ABCB9: variants seen among roughly 807,000 people sequenced by gnomAD.
The protein encoded by ABCB9 is ATP binding cassette subfamily B member 9.
ABCB9 carries 36 observed loss-of-function variants against 62.0 expected under a neutral mutation model. That is an observed-to-expected ratio of 0.58 (90% CI 0.45 to 0.77). ABCB9 has a LOEUF of 0.77. Ranked by LOEUF, ABCB9 falls within the 30% of genes least tolerant of loss-of-function variation. ABCB9 has a pLI of 0.00. For synonymous variants in ABCB9, 435 were observed against 461.4 expected (o/e 0.94, Z 0.73); for missense variants, 943 against 1,054.7 (o/e 0.89, Z 1.47).
chr12:122,950,336 CA>C lies in ABCB9; in HGVS notation c.716+114del, dbSNP rs2036294133. The C allele has an allele frequency of 1.6e-5, 16 of 1,011,296 alleles. No homozygotes were observed. In the Admixed American group the frequency reaches 3.9e-4, roughly 24 times the overall value. The allele number at this position is 1,011,296 out of a possible 1,614,324, so 62.6% of individuals were successfully genotyped here. On this transcript the variant is annotated intron_variant, in intron 3 of 11. Transcript: ENST00000280560. The stretch of plus-strand genomic sequence containing the variant: ...GTGACCAGCTGAGGGACAGGCCCAC[CA>C]GGGGCATTTCCAGGGCCTCCCTGGC...
At chr12:122,958,450 G>C (rs2036724713) in intron 2 of ABCB9, among the ~76,000 whole-genome samples, 1 of 152,154 alleles carries the variant, frequency 6.6e-6, no homozygotes, top group Non-Finnish European at 1.5e-5. Flanking sequence ...ACATGCACAA[G>C]AATTGAGTAA....
intron 2 of ABCB9, among the ~76,000 whole-genome samples, chr12:122,953,418 C>T (rs1003722136): frequency 2.0e-5 from 3 of 152,062 alleles, no homozygotes; most frequent in African/African-American, 4.8e-5. Flanking sequence ...GATGGAGTCG[C>T]ACTCCGTCGC....
intron 11 of ABCB9, among the ~76,000 whole-genome samples, chr12:122,923,142 G>C (rs957899067): frequency 6.6e-6 from 1 of 150,624 alleles, no homozygotes; most frequent in Non-Finnish European, 1.5e-5. Context: ...TCACTCTGTC[G>C]CCCAGGCTGG....
chr12:122,970,547 C>G (rs1279145295), upstream of ABCB9, among the ~76,000 whole-genome samples: 2 of 152,242 alleles, frequency 1.3e-5, no homozygotes, highest in Admixed American at 1.3e-4. Flanking sequence ...CACACCCAGC[C>G]TGGAAGCTTT....
At chr12:122,971,870 G>A (rs1256339428) in intron 1 of ABCB9, among the ~76,000 whole-genome samples, 1 of 151,970 alleles carries the variant, frequency 6.6e-6, no homozygotes, top group East Asian at 1.9e-4. Context: ...GGTGATGGTG[G>A]GGGAGGCTGT....
upstream of ABCB9, among the ~76,000 whole-genome samples, chr12:122,968,227 G>T (rs1453032282): frequency 1.3e-5 from 2 of 152,226 alleles, no homozygotes; most frequent in African/African-American, 4.8e-5. Flanking sequence ...ACGATATCTT[G>T]GATGGACTGT....
chr12:122,932,027 C>A lies in ABCB9; in HGVS notation c.2040+165G>T. ...CTGGAGGCTGGGTCCAGAGTGGCTC[C>A]TGGCTCCCCACTCTCAACACCAGGA... On this transcript the variant is annotated intron_variant, in intron 11 of 11. Transcript: ENST00000280560. This position sits in a 1 kb window ranked among gnomAD's most constrained non-coding sequence, Gnocchi z 4.7. The A allele has an allele frequency of 7.8e-7, 1 of 1,281,824 alleles. No homozygotes were observed. Among genetic ancestry groups the A allele is most frequent in the South Asian group, 1.4e-5 (1 of 72,840 alleles). 79.4% of individuals were successfully genotyped at this position (1,281,824 alleles called of 1,614,324 possible).
In ABCB9 at chr12:122,948,775, G is replaced by A. The variant is rs777584389; in HGVS notation, c.902C>T (p.Ser301Phe). The A allele has an allele frequency of 2.5e-6, 4 of 1,609,262 alleles. No individual in the cohort carries two copies. In the East Asian group the frequency reaches 9.0e-5, roughly 36 times the overall value. Residue 301 changes from serine to phenylalanine, a missense_variant, in exon 5 of 12, where the codon TCC (serine) becomes TTC (phenylalanine). Physicochemically the swap from Ser to Phe is radical, Grantham distance 155. Coordinates refer to ENST00000280560, the MANE Select transcript of ABCB9 (RefSeq NM_019625.4). ...CCGCAGGAAGACATTGATGTTCTGG[G>A]AGACCAGGTCGCTGACCATGGTGGT... ...SDTTMVSDLV[S>F]QNINVFLRNT...
At position 122,959,496 on chromosome 12, in the gene ABCB9, C is replaced by T; in HGVS notation, c.601+139G>A. Reference sequence around the variant, plus strand: ...AAAGTGCTGGGATTATAGATATGAGCCACTATGCCTGGCCTCTTTTCCTTT... The same window carrying T: ...AAAGTGCTGGGATTATAGATATGAGTCACTATGCCTGGCCTCTTTTCCTTT... On this transcript the variant is annotated intron_variant, in intron 2 of 11. Coordinates refer to ENST00000280560, the MANE Select transcript of ABCB9 (RefSeq NM_019625.4). The surrounding 1 kb of genome is among the most constrained non-coding windows in gnomAD (Gnocchi z 5.4). The T allele has an allele frequency of 2.2e-6, 3 of 1,376,432 alleles. No individual in the cohort carries two copies. The South Asian group carries it at 4.6e-5, about 21-fold the overall frequency. The allele number at this position is 1,376,432 out of a possible 1,614,324, so 85.3% of individuals were successfully genotyped here.
At chr12:122,936,058 T>C (rs968100457) in intron 9 of ABCB9, among the ~76,000 whole-genome samples, 3 of 152,114 alleles carry the variant, frequency 2.0e-5, no homozygotes, top group Admixed American at 6.6e-5. Flanking sequence ...GAAAAAAATA[T>C]ATAGTATGGA....
Position 122,929,610 on chromosome 12 carries a change from G to A in ABCB9, c.*301C>T, listed in dbSNP as rs1245269853. The stretch of plus-strand genomic sequence containing the variant: ...TTGAAATCTAGGAGTTGACTGGGGT[G>A]CCTCAAACCAAACAGTAAAAACCCT... On this transcript the variant is annotated 3_prime_UTR_variant, in exon 12 of 12. Transcript: ENST00000280560. This position sits in a 1 kb window ranked among gnomAD's most constrained non-coding sequence, Gnocchi z 6.0. The A allele has an allele frequency of 8.4e-7, 1 of 1,194,420 alleles. No individual in the cohort carries two copies. The highest frequency in any genetic ancestry group is 1.0e-6 in the Non-Finnish European group (1 of 964,178). The allele number at this position is 1,194,420 out of a possible 1,614,324, so 74.0% of individuals were successfully genotyped here. A position where few individuals can be genotyped will look rare whatever the true frequency, so the allele number is the denominator to read the frequency against.
intron 7 of ABCB9, among the ~76,000 whole-genome samples, chr12:122,942,427 A>C (rs2035813972): frequency 1.4e-5 from 2 of 139,880 alleles, no homozygotes; most frequent in East Asian, 2.0e-4. Context: ...ATTTCTACTG[A>C]AAATACAATT....
chr12:122,923,725 T>C (rs537110630), intron 11 of ABCB9, among the ~76,000 whole-genome samples: 3 of 152,366 alleles, frequency 2.0e-5, no homozygotes, highest in African/African-American at 4.8e-5. Flanking sequence ...CAATGCTTTA[T>C]GTGCATGGGT....
intron 2 of ABCB9, chr12:122,952,970 C>T (rs548001481): frequency 6.6e-6 from 1 of 152,378 alleles, no homozygotes; most frequent in African/African-American, 2.4e-5. Flanking sequence ...TCTTGTTGCT[C>T]CTTGGCTCAA....
chr12:122,946,978 G>C (rs114152623), intron 5 of ABCB9, among the ~76,000 whole-genome samples: 1 of 152,210 alleles, frequency 6.6e-6, no homozygotes, highest in Non-Finnish European at 1.5e-5. Context: ...CATGTGTCAC[G>C]CCCCAGCCGC....
rs771280278 is a variant in ABCB9, at chr12:122,929,916, C to T, written c.2296G>A (p.Ala766Thr). 7 of 1,547,782 alleles carry T rather than the reference C, an allele frequency of 4.5e-6. No individual in the cohort carries two copies. Among genetic ancestry groups the T allele is most frequent in the Middle Eastern group, 4.0e-4 (2 of 5,026 alleles). ...NEPVANGSHK[A>T] ...GGAGAAGCAGGGGCCCCCCATCAGG[C>T]CTTGTGACTGCCGTTGGCTACAGGC... Residue 766 changes from alanine (A) to threonine (T), a missense_variant, in exon 12 of 12, where the codon GCC becomes ACC. Coordinates refer to ENST00000280560, the MANE Select transcript of ABCB9 (RefSeq NM_019625.4). The surrounding 1 kb of genome is among the most constrained non-coding windows in gnomAD (Gnocchi z 6.0).
At position 122,929,094 on chromosome 12, in the gene ABCB9, A is replaced by G; in HGVS notation, c.*817T>C. The G allele has an allele frequency of 1.0e-6, 1 of 984,728 alleles. No homozygotes were observed. The highest frequency in any genetic ancestry group is 1.7e-5 in the African/African-American group (1 of 57,184). The allele number at this position is 984,728 out of a possible 1,614,324, so 61.0% of individuals were successfully genotyped here. Reference sequence around the variant, plus strand: ...GCTTTGCCACCATCCCATCCACCAAAGACAGAAGAGAATGCATCTCATGAA... The same window carrying G: ...GCTTTGCCACCATCCCATCCACCAAGGACAGAAGAGAATGCATCTCATGAA... On this transcript the variant is annotated 3_prime_UTR_variant, in exon 12 of 12. Coordinates refer to ENST00000280560, the MANE Select transcript of ABCB9 (RefSeq NM_019625.4). This position sits in a 1 kb window ranked among gnomAD's most constrained non-coding sequence, Gnocchi z 6.0.
chr12:122,929,358 C>T lies in ABCB9; in HGVS notation c.*553G>A, dbSNP rs574780996. The T allele has an allele frequency of 3.8e-5, 37 of 985,922 alleles. No individual in the cohort carries two copies. The highest frequency in any genetic ancestry group is 4.7e-5 in the South Asian group (1 of 21,288). The allele number at this position is 985,922 out of a possible 1,614,324, so 61.1% of individuals were successfully genotyped here. A position where few individuals can be genotyped will look rare whatever the true frequency, so the allele number is the denominator to read the frequency against. On this transcript the variant is annotated 3_prime_UTR_variant, in exon 12 of 12. Transcript: ENST00000280560. The surrounding 1 kb of genome is among the most constrained non-coding windows in gnomAD (Gnocchi z 6.0). ...ACAGATGCCCTCCACGCTCCCTACC[C>T]GCCCTGGCCAGACTCACAGAGCTGG...
chr12:122,955,055 C>T (rs1423701680), intron 2 of ABCB9, among the ~76,000 whole-genome samples: 1 of 152,126 alleles, frequency 6.6e-6, no homozygotes, highest in East Asian at 1.9e-4. Flanking sequence ...CCTTGGCCAC[C>T]CAAGTAGCTG....
Sources: allele counts gnomAD v4.1 joint callset (sites outside exome capture counted in the v4.1 genomes callset), GRCh38; gene constraint gnomAD v4.1.1; non-coding constraint Gnocchi (gnomAD v3.1); transcripts MANE v1.5; gene names NCBI Gene and HGNC (gene_info 2026-07-23, HGNC 2026-07-21).